The following ST6GALNAC5 variants were observed in gnomAD, a reference collection of about 807,000 sequenced individuals.
ST6GALNAC5 encodes ST6 N-acetylgalactosaminide alpha-2,6-sialyltransferase 5.
Under a neutral mutation model 33.6 loss-of-function variants are expected in ST6GALNAC5, and 27 were observed. The observed-to-expected ratio is 0.80, with a 90% CI of 0.59 to 1.11. The LOEUF (loss-of-function observed/expected upper bound fraction) is 1.11. ST6GALNAC5 is among the 50% of genes least tolerant of loss of function. The probability of loss-of-function intolerance (pLI) is 0.00; values close to 1 mark genes in which losing one functional copy is unlikely to be tolerated. For missense variants in ST6GALNAC5, 428 were observed against 454.0 expected, an observed-to-expected ratio of 0.94 and a Z score of 0.52; for synonymous variants, 194 against 171.2, an observed-to-expected ratio of 1.13 and a Z score of -1.04.
At chr1:76,982,966 G>C (rs1649319225) in intron 2 of ST6GALNAC5, among the ~76,000 whole-genome samples, 1 of 152,032 alleles carries the variant, frequency 6.6e-6, no homozygotes, top group South Asian at 2.1e-4. Flanking sequence ...AATGCTGAGA[G>C]ATTTTGTCAC....
At chr1:76,979,146 C>T (rs753442524) in intron 2 of ST6GALNAC5, among the ~76,000 whole-genome samples, 1 of 151,886 alleles carries the variant, frequency 6.6e-6, no homozygotes, top group Non-Finnish European at 1.5e-5. Flanking sequence ...GGAAAGGTAA[C>T]ATGTGATTAT....
chr1:76,908,731 C>G (rs1646886096), intron 2 of ST6GALNAC5, among the ~76,000 whole-genome samples: 1 of 152,146 alleles, frequency 6.6e-6, no homozygotes, highest in South Asian at 2.1e-4. Flanking sequence ...GGTATGTAAG[C>G]TCTGTAACCG....
intron 2 of ST6GALNAC5, among the ~76,000 whole-genome samples, chr1:76,982,112 A>C (rs992631331): frequency 3.3e-5 from 5 of 152,212 alleles, no homozygotes; most frequent in African/African-American, 1.2e-4. Flanking sequence ...TCTCCTCCAA[A>C]GGATCACAGC....
At chr1:77,029,015 G>C (rs540855802) in intron 2 of ST6GALNAC5, among the ~76,000 whole-genome samples, 52 of 152,284 alleles carry the variant, frequency 3.4e-4, no homozygotes, top group African/African-American at 1.3e-3. Flanking sequence ...TACGTGGGTG[G>C]TGGTCCAGTG....
intron 2 of ST6GALNAC5, among the ~76,000 whole-genome samples, chr1:76,872,100 CACACACACACACACACACCA>C (rs1184125570): frequency 2.2e-5 from 3 of 138,044 alleles, no homozygotes; most frequent in African/African-American, 6.1e-5. Context: ...CACACACACA[CACACACACACACACACACCA>C]CACACATTAA....
intron 2 of ST6GALNAC5, among the ~76,000 whole-genome samples, chr1:76,885,983 G>A (rs559238357): frequency 6.6e-6 from 1 of 152,328 alleles, no homozygotes; most frequent in South Asian, 2.1e-4. Flanking sequence ...TGTTAGAGGT[G>A]ATCGCCATCT....
At chr1:76,951,404 C>T (rs1399280006) in intron 2 of ST6GALNAC5, among the ~76,000 whole-genome samples, 9 of 152,060 alleles carry the variant, frequency 5.9e-5, no homozygotes, top group Admixed American at 5.2e-4. Flanking sequence ...CATTCTCACT[C>T]ATAAGTGGGA....
chr1:76,964,849 C>T (rs1648391490), intron 2 of ST6GALNAC5, among the ~76,000 whole-genome samples: 1 of 152,086 alleles, frequency 6.6e-6, no homozygotes, highest in African/African-American at 2.4e-5. Flanking sequence ...TGAATGAGAA[C>T]ATGTGGTGTT....
intron 2 of ST6GALNAC5, among the ~76,000 whole-genome samples, chr1:77,041,627 C>T (rs963031732): frequency 6.6e-6 from 1 of 152,138 alleles, no homozygotes; most frequent in African/African-American, 2.4e-5. Flanking sequence ...CCCAACAGTT[C>T]GCCCAGGGAT....
chr1:76,947,290 ATAAG>A (rs1274242391), intron 2 of ST6GALNAC5, among the ~76,000 whole-genome samples: 1 of 152,190 alleles, frequency 6.6e-6, no homozygotes, highest in Non-Finnish European at 1.5e-5. Flanking sequence ...TTTCAACGAA[ATAAG>A]TAATTAGAAA....
At chr1:76,964,854 G>T (rs1648392149) in intron 2 of ST6GALNAC5, among the ~76,000 whole-genome samples, 1 of 152,084 alleles carries the variant, frequency 6.6e-6, no homozygotes, top group Non-Finnish European at 1.5e-5. Flanking sequence ...GAGAACATGT[G>T]GTGTTTGGTT....
chr1:76,895,341 A>G (rs1481594401), intron 2 of ST6GALNAC5, among the ~76,000 whole-genome samples: 4 of 152,096 alleles, frequency 2.6e-5, no homozygotes, highest in African/African-American at 7.2e-5. Flanking sequence ...GGGCTGCTTC[A>G]AGTGGGATTA....
intron 2 of ST6GALNAC5, among the ~76,000 whole-genome samples, chr1:76,922,217 C>T (rs768766428): frequency 2.6e-5 from 4 of 152,146 alleles, no homozygotes; most frequent in East Asian, 3.9e-4. Context: ...TGTATTCCTA[C>T]GATGAACATG....
At position 77,063,197 on chromosome 1, in the gene ST6GALNAC5, T is replaced by C; in HGVS notation, c.1002T>C (p.Pro334=). The C allele has an allele frequency of 6.2e-7, 1 of 1,613,054 alleles. No homozygotes were observed. The highest frequency in any genetic ancestry group is 1.3e-5 in the African/African-American group (1 of 74,828). Residue 334 remains proline, a synonymous_variant, in exon 5 of 5, where the codon CCT becomes CCC. Transcript: ENST00000477717. ...CTATAAATCATCCTGAGAATAAACC[T>C]GTGTTCTAAGGAATGAGCATGCCAG... is the stretch of plus-strand genomic sequence containing the variant. ...SLAINHPENK[P]VF is the part of the protein sequence containing the mutation.
chr1:76,868,465 G>A lies in ST6GALNAC5; in HGVS notation c.16-32G>A. On this transcript the variant is annotated intron_variant, in intron 1 of 4. Transcript: ENST00000477717. The surrounding 1 kb of genome is among the most constrained non-coding windows in gnomAD (Gnocchi z 4.3). ...GCTCCTCCGGTGTCTGCGCTCAGCC[G>A]CTCTCCTCTTCTCTCTCCCGCCCGC... is the stretch of plus-strand genomic sequence containing the variant. The A allele has an allele frequency of 6.3e-7, 1 of 1,582,490 alleles. No individual in the cohort carries two copies. Among genetic ancestry groups the A allele is most frequent in the Non-Finnish European group, 8.6e-7 (1 of 1,161,160 alleles).
chr1:76,944,862 A>G (rs1647459710), intron 2 of ST6GALNAC5, among the ~76,000 whole-genome samples: 1 of 152,140 alleles, frequency 6.6e-6, no homozygotes, highest in African/African-American at 2.4e-5. Context: ...TTTTCTGCTC[A>G]GAATTCAACT....
intron 2 of ST6GALNAC5, among the ~76,000 whole-genome samples, chr1:77,012,296 A>G (rs1650663376): frequency 6.6e-6 from 1 of 152,208 alleles, no homozygotes; most frequent in African/African-American, 2.4e-5. Flanking sequence ...ATAATGTCCC[A>G]GCCAATAGAA....
intron 2 of ST6GALNAC5, among the ~76,000 whole-genome samples, chr1:76,977,838 A>G (rs962934991): frequency 1.3e-5 from 2 of 152,192 alleles, no homozygotes; most frequent in Non-Finnish European, 1.5e-5. Context: ...TTGGATATAT[A>G]TAATAATGGC....
At chr1:77,061,980 G>A (rs899347249) in intron 4 of ST6GALNAC5, among the ~76,000 whole-genome samples, 2 of 152,152 alleles carry the variant, frequency 1.3e-5, no homozygotes, top group Admixed American at 1.3e-4. Context: ...AGCATCAAAA[G>A]AAAAATCGTG....
Sources: allele counts gnomAD v4.1 joint callset (sites outside exome capture counted in the v4.1 genomes callset), GRCh38; gene constraint gnomAD v4.1.1; non-coding constraint Gnocchi (gnomAD v3.1); transcripts MANE v1.5; gene names NCBI Gene and HGNC (gene_info 2026-07-23, HGNC 2026-07-21).